Variants in JMJD1C observed in about 807,000 individuals in gnomAD.
JMJD1C encodes jumonji domain-containing protein 1C.
A neutral mutation model predicts 245.3 loss-of-function variants in JMJD1C; 31 were observed. The ratio of observed to expected loss-of-function variants is 0.13; its 90% confidence interval spans 0.09 to 0.17. The LOEUF is 0.17. Ranked by LOEUF, JMJD1C falls within the 10% of genes least tolerant of loss-of-function variation. The probability of loss-of-function intolerance (pLI) is 1.00; values close to 1 mark genes in which losing one functional copy is unlikely to be tolerated. For synonymous variants in JMJD1C, 1,057 were observed against 1,017.4 expected (o/e 1.04, Z -0.74); for missense variants, 2,691 against 3,000.2 (o/e 0.90, Z 2.41).
chr10:63,180,005 T>G (rs1009809252), intron 22 of JMJD1C, among the ~76,000 whole-genome samples: 1 of 152,172 alleles, frequency 6.6e-6, no homozygotes, highest in Non-Finnish European at 1.5e-5. Flanking sequence ...TTTCTTTTTT[T>G]CTTTTATTTT....
intron 1 of JMJD1C, among the ~76,000 whole-genome samples, chr10:63,454,380 C>T (rs925561348): frequency 6.6e-6 from 1 of 151,958 alleles, no homozygotes; most frequent in Non-Finnish European, 1.5e-5. Context: ...GCCTCAGCCT[C>T]CAGAGTAGCC....
intron 2 of JMJD1C, chr10:63,358,710 G>A (rs561417902): frequency 1.3e-5 from 2 of 152,284 alleles, no homozygotes; most frequent in African/African-American, 4.8e-5. Flanking sequence ...AGAAGAGTGG[G>A]GTGGGGTCCC....
At chr10:63,327,566 AG>A (rs2134145737) in intron 2 of JMJD1C, among the ~76,000 whole-genome samples, 1 of 152,318 alleles carries the variant, frequency 6.6e-6, no homozygotes, top group East Asian at 1.9e-4. Context: ...CAAAGTTACG[AG>A]AAGATGTAGT....
intron 2 of JMJD1C, among the ~76,000 whole-genome samples, chr10:63,351,881 C>A (rs1387763186): frequency 6.6e-6 from 1 of 152,162 alleles, no homozygotes; most frequent in African/African-American, 2.4e-5. Context: ...ATACAAAAAA[C>A]TTCAAGCTTT....
At chr10:63,182,499 C>T (rs2132873774) in intron 22 of JMJD1C, among the ~76,000 whole-genome samples, 1 of 152,222 alleles carries the variant, frequency 6.6e-6, no homozygotes, top group Non-Finnish European at 1.5e-5. Context: ...TAAAATATTT[C>T]TTATGAGGGT....
chr10:63,344,545 T>G (rs1247818312), intron 2 of JMJD1C, among the ~76,000 whole-genome samples: 1 of 152,168 alleles, frequency 6.6e-6, no homozygotes, highest in Non-Finnish European at 1.5e-5. Flanking sequence ...AATGAGTTCT[T>G]AGGTATGACA....
chr10:63,440,765 C>G (rs933320343), intron 1 of JMJD1C, among the ~76,000 whole-genome samples: 2 of 152,132 alleles, frequency 1.3e-5, no homozygotes, highest in Non-Finnish European at 2.9e-5. Context: ...CTACTGAAGT[C>G]TCCCTAACAC....
chr10:63,440,349 A>ATAT lies in JMJD1C; in HGVS notation c.168+25145_168+25146insATA, dbSNP rs1366791365. Among the ~76,000 whole-genome samples the ATAT allele has an allele frequency of 9.6e-4, 61 of 63,264 alleles. 1 individual carries two copies. The highest frequency in any genetic ancestry group is 1.3e-3 in the Non-Finnish European group (28 of 21,526). 41.5% of individuals were successfully genotyped at this position (63,264 alleles called of 152,430 possible). ...ACACTCTGTCTCAAAAGAAAAAAAA[A>ATAT]AAAAATATATATATATAGAGAGAGA... is the stretch of plus-strand genomic sequence containing the variant. On this transcript the variant is annotated intron_variant, in intron 1 of 25. Coordinates refer to ENST00000399262, the MANE Select transcript of JMJD1C (RefSeq NM_032776.3).
At position 63,370,891 on chromosome 10, in the gene JMJD1C, AAAT is replaced by A. The variant is rs570293646; in HGVS notation, c.333+9424_333+9426del. On this transcript the variant is annotated intron_variant, in intron 2 of 25. Transcript: ENST00000399262. ...TATATGAAATTTCCAATTTGCTAGG[AAAT>A]AATAGTTGTTTTTTAGGGAAAAGAC... Among the ~76,000 whole-genome samples, 442 of 152,332 alleles carry A rather than the reference AAAT, an allele frequency of 2.9e-3. 2 individuals carry two copies. The highest frequency in any genetic ancestry group is 5.0e-3 in the Non-Finnish European group (343 of 68,028).
Position 63,206,719 on chromosome 10 carries a change from G to A in JMJD1C, c.4950C>T (p.Tyr1650=). The change falls in exon 10 of 26, where the codon TAC becomes TAT. Residue 1650 remains tyrosine, a synonymous_variant. Coordinates refer to ENST00000399262, the MANE Select transcript of JMJD1C (RefSeq NM_032776.3). ...QRTKRQPKPT[Y]KKKQNDLQKR... The stretch of plus-strand genomic sequence containing the variant: ...TTTGCAAATCATTTTGCTTCTTTTT[G>A]TAAGTTGGCTTAGGTTGTCTTTTAG... 1 of 1,613,222 alleles carries A rather than the reference G, an allele frequency of 6.2e-7. No individual in the cohort carries two copies. The highest frequency in any genetic ancestry group is 8.5e-7 in the Non-Finnish European group (1 of 1,179,700).
chr10:63,399,314 T>C (rs985097106), intron 1 of JMJD1C, among the ~76,000 whole-genome samples: 2 of 152,168 alleles, frequency 1.3e-5, no homozygotes, highest in African/African-American at 2.4e-5. Flanking sequence ...GTCCATTTCC[T>C]GCCCCAGACC....
intron 1 of JMJD1C, among the ~76,000 whole-genome samples, chr10:63,449,955 A>T (rs543615210): frequency 6.6e-6 from 1 of 152,176 alleles, no homozygotes; most frequent in Admixed American, 6.5e-5. Context: ...TTCAAAAAAA[A>T]TTTAAAAATT....
At chr10:63,514,878 C>T (rs1954971526) in intron 1 of JMJD1C, among the ~76,000 whole-genome samples, 1 of 152,130 alleles carries the variant, frequency 6.6e-6, no homozygotes, top group African/African-American at 2.4e-5. Flanking sequence ...GTTTGGTCTC[C>T]TCAAACTACA....
intron 3 of JMJD1C, chr10:63,222,161 C>A: frequency 2.7e-6 from 2 of 740,704 alleles, no homozygotes; most frequent in South Asian, 2.7e-5. Context: ...AGTCATGAGT[C>A]ATTTCAAGTT....
At chr10:63,391,149 G>A (rs1007824663) in intron 1 of JMJD1C, among the ~76,000 whole-genome samples, 1 of 152,034 alleles carries the variant, frequency 6.6e-6, no homozygotes, top group African/African-American at 2.4e-5. Context: ...AAAGTTGCAA[G>A]ATAAAAAAAT....
At chr10:63,395,169 C>T (rs532087933) in intron 1 of JMJD1C, among the ~76,000 whole-genome samples, 16 of 152,016 alleles carry the variant, frequency 1.1e-4, no homozygotes, top group African/African-American at 3.4e-4. Context: ...GCTACTACTA[C>T]ACATCTATTA....
chr10:63,329,112 T>C (rs897475569), intron 2 of JMJD1C, among the ~76,000 whole-genome samples: 3 of 151,724 alleles, frequency 2.0e-5, no homozygotes, highest in African/African-American at 7.3e-5. Flanking sequence ...TAAAACCCCG[T>C]TTCTACAAAA....
intron 1 of JMJD1C, among the ~76,000 whole-genome samples, chr10:63,436,040 A>G (rs1256865923): frequency 6.6e-6 from 1 of 152,268 alleles, no homozygotes; most frequent in Non-Finnish European, 1.5e-5. Flanking sequence ...TTTATATTCT[A>G]TCAACAACAG....
At chr10:63,255,603 T>C (rs1183403572) in intron 3 of JMJD1C, among the ~76,000 whole-genome samples, 2 of 152,186 alleles carry the variant, frequency 1.3e-5, no homozygotes, top group Non-Finnish European at 2.9e-5. Context: ...ATCATCACAA[T>C]ACTCACACCC....
Sources: gnomAD v4.1 joint callset for allele counts (sites outside exome capture counted in the v4.1 genomes callset) on GRCh38, gnomAD v4.1.1 for gene constraint, MANE v1.5 for transcripts, NCBI Gene and HGNC (gene_info 2026-07-23, HGNC 2026-07-21) for gene names.